Variants in ARHGAP12 observed in about 807,000 individuals in gnomAD.
The protein encoded by ARHGAP12 is Rho GTPase activating protein 12, also known as rho GTPase-activating protein 12.
Under a neutral mutation model 108.6 loss-of-function variants are expected in ARHGAP12, and 64 were observed. That is an observed-to-expected ratio of 0.59 (90% CI 0.48 to 0.73). The LOEUF is 0.73. Ranked by LOEUF, ARHGAP12 falls within the 30% of genes least tolerant of loss-of-function variation. ARHGAP12 has a pLI of 0.00. For missense variants in ARHGAP12, 940 were observed against 1,005.9 expected (o/e 0.93, Z 0.89); for synonymous variants, 312 against 337.2 (o/e 0.93, Z 0.82).
chr10:31,861,384 A>C lies in ARHGAP12; in HGVS notation c.948+11T>G. On this transcript the variant is annotated intron_variant, in intron 4 of 19. Transcript: ENST00000344936. Reference sequence around the variant, plus strand: ...CTGGTAACTTGCAGTTGATTCCTTAATTACTCATACCTCTTGATCCCCTGG... The same window carrying C: ...CTGGTAACTTGCAGTTGATTCCTTACTTACTCATACCTCTTGATCCCCTGG... 6.3e-7 allele frequency: 1 copy of C among 1,587,558 alleles called. No homozygotes were observed. Among genetic ancestry groups the C allele is most frequent in the East Asian group, 2.2e-5 (1 of 44,720 alleles).
chr10:31,880,897 C>CAAA (rs139344366), intron 3 of ARHGAP12, among the ~76,000 whole-genome samples: 1 of 133,938 alleles, frequency 7.5e-6, no homozygotes. Context: ...TTGACTCTAC[C>CAAA]AAAAAAAAAA....
At chr10:31,868,790 AG>A (rs1184252376) in intron 3 of ARHGAP12, among the ~76,000 whole-genome samples, 1 of 151,724 alleles carries the variant, frequency 6.6e-6, no homozygotes, top group African/African-American at 2.4e-5. Flanking sequence ...TTAGCCAGGC[AG>A]GGTGGCACAT....
intron 3 of ARHGAP12, among the ~76,000 whole-genome samples, chr10:31,873,584 G>T (rs1837617701): frequency 6.6e-6 from 1 of 152,158 alleles, no homozygotes; most frequent in Non-Finnish European, 1.5e-5. Flanking sequence ...TAAGTTGTAA[G>T]CCCCTTAGGA....
chr10:31,843,460 C>T lies in ARHGAP12; in HGVS notation c.1296+1G>A. 2.5e-6 allele frequency: 4 copies of T among 1,610,458 alleles called. No individual in the cohort carries two copies. Among genetic ancestry groups the T allele is most frequent in the Non-Finnish European group, 1.7e-6 (2 of 1,178,936 alleles). On this transcript the variant is annotated splice_donor_variant, in intron 7 of 19. Transcript: ENST00000344936. LOFTEE classifies it high-confidence loss of function. The stretch of plus-strand genomic sequence containing the variant: ...CTTGCCAAAAATCTCAACAGTCCTA[C>T]CTTATCATTAGTGTCCAATACAATG...
At chr10:31,870,020 A>G (rs1296680379) in intron 3 of ARHGAP12, among the ~76,000 whole-genome samples, 1 of 152,180 alleles carries the variant, frequency 6.6e-6, no homozygotes, top group Non-Finnish European at 1.5e-5. Context: ...ATTGCTGAAT[A>G]GTATAAATCC....
intron 3 of ARHGAP12, among the ~76,000 whole-genome samples, chr10:31,898,656 C>A (rs768712477): frequency 6.6e-6 from 1 of 152,150 alleles, no homozygotes; most frequent in Non-Finnish European, 1.5e-5. Flanking sequence ...TTTTGCTGTA[C>A]CTTTTCTATG....
intron 1 of ARHGAP12, among the ~76,000 whole-genome samples, chr10:31,927,228 C>CAATTTTAAAACAAAG (rs1840085601): frequency 5.3e-5 from 2 of 37,440 alleles, no homozygotes; most frequent in African/African-American, 2.0e-4. Context: ...GTTTCCAAGG[C>CAATTTTAAAACAAAG]AAAATAAAAA....
intron 3 of ARHGAP12, among the ~76,000 whole-genome samples, chr10:31,898,710 G>A (rs150588733): frequency 9.2e-5 from 14 of 152,266 alleles, no homozygotes; most frequent in African/African-American, 3.4e-4. Flanking sequence ...ACTGCCTACA[G>A]TATTCAGGAC....
In ARHGAP12 at chr10:31,854,003, G is replaced by A; in HGVS notation, c.1089+63C>T. 7 of 1,515,630 alleles carry A rather than the reference G, an allele frequency of 4.6e-6. No individual in the cohort carries two copies. In the South Asian group the frequency reaches 7.7e-5, roughly 17 times the overall value. 93.9% of individuals were successfully genotyped at this position (1,515,630 alleles called of 1,614,324 possible). ...TTCTTTTTTAAATACTAAAACTGCA[G>A]TACACAACTATTTTATGAGAGAATT... On this transcript the variant is annotated intron_variant, in intron 5 of 19. Transcript: ENST00000344936.
chr10:31,906,856 T>C (rs1326410189), intron 3 of ARHGAP12, among the ~76,000 whole-genome samples: 15 of 152,164 alleles, frequency 9.9e-5, no homozygotes, highest in Admixed American at 9.8e-4. Context: ...GTGTCTTTCC[T>C]AAGGCCCATT....
chr10:31,877,525 A>G (rs1302196492), intron 3 of ARHGAP12, among the ~76,000 whole-genome samples: 8 of 152,204 alleles, frequency 5.3e-5, no homozygotes, highest in African/African-American at 1.9e-4. Flanking sequence ...CTAGTAAGCT[A>G]TTGTACCTGA....
chr10:31,823,901 T>C (rs763213910), intron 11 of ARHGAP12, among the ~76,000 whole-genome samples: 6 of 152,198 alleles, frequency 3.9e-5, no homozygotes, highest in Admixed American at 1.3e-4. Context: ...TTCTGCTGTA[T>C]AAAGAGAATA....
At chr10:31,892,552 A>C (rs1460903002) in intron 3 of ARHGAP12, among the ~76,000 whole-genome samples, 6 of 152,246 alleles carry the variant, frequency 3.9e-5, no homozygotes, top group Non-Finnish European at 5.9e-5. Context: ...AGAAGAGCTA[A>C]CTATCCTAAA....
Position 31,894,237 on chromosome 10 carries a change from G to C in ARHGAP12, c.684+13935C>G, listed in dbSNP as rs1838580314. ...ACTCCTATTCAACATAGTGTTGGAA[G>C]TTCTAGCCAGGGCAATCAGGCAGGA... On this transcript the variant is annotated intron_variant, in intron 3 of 19. Coordinates refer to ENST00000344936, the MANE Select transcript of ARHGAP12 (RefSeq NM_018287.7). Among the ~76,000 whole-genome samples, 4 of 152,202 alleles carry C rather than the reference G, an allele frequency of 2.6e-5. No individual in the cohort carries two copies. In the South Asian group the frequency reaches 8.3e-4, roughly 31 times the overall value.
At chr10:31,829,422 C>G (rs938074709) in intron 10 of ARHGAP12, among the ~76,000 whole-genome samples, 1 of 151,998 alleles carries the variant, frequency 6.6e-6, no homozygotes, top group African/African-American at 2.4e-5. Flanking sequence ...TGTGAATATA[C>G]TTAACACCAC....
chr10:31,807,733 T>G lies in ARHGAP12; in HGVS notation c.2466A>C (p.Ile822=), dbSNP rs974173371. The change falls in exon 20 of 20, where the codon ATA becomes ATC. Residue 822 remains isoleucine (I), a synonymous_variant. Transcript: ENST00000344936. ...LLKPEKETGN[I]AVHTVYQNQI... is the part of the protein sequence containing the mutation. ...GATTCTGGTACACAGTATGAACTGC[T>G]ATATTACCAGTCTCTTTTTCTGGTT... 6.2e-7 allele frequency: 1 copy of G among 1,609,444 alleles called. No individual in the cohort carries two copies. The highest frequency in any genetic ancestry group is 8.5e-7 in the Non-Finnish European group (1 of 1,178,194).
chr10:31,885,306 A>G (rs1838151655), intron 3 of ARHGAP12, among the ~76,000 whole-genome samples: 1 of 152,210 alleles, frequency 6.6e-6, no homozygotes, highest in Non-Finnish European at 1.5e-5. Context: ...ATGTAAAAAT[A>G]AAGTATCTCT....
At position 31,844,817 on chromosome 10, in the gene ARHGAP12, A is replaced by G. The variant is rs543323821; in HGVS notation, c.1171-1231T>C. On this transcript the variant is annotated intron_variant, in intron 6 of 19. Transcript: ENST00000344936. ...ACTTAATTACCATAGCAGGAACTCTATCTCTCCTGTTCCCTACCCACCAAC... is the reference window on the plus strand; with the variant it reads ...ACTTAATTACCATAGCAGGAACTCTGTCTCTCCTGTTCCCTACCCACCAAC... Among the ~76,000 whole-genome samples, 5 of 150,986 alleles carry G rather than the reference A, an allele frequency of 3.3e-5. No individual in the cohort carries two copies. In the South Asian group the frequency reaches 1.0e-3, roughly 32 times the overall value.
chr10:31,857,102 ATAT>A (rs1046879539), intron 4 of ARHGAP12, among the ~76,000 whole-genome samples: 2 of 152,184 alleles, frequency 1.3e-5, no homozygotes, highest in African/African-American at 2.4e-5. Flanking sequence ...ATCATTCAAA[ATAT>A]TATCTGATTC....
Sources: allele counts gnomAD v4.1 joint callset (sites outside exome capture counted in the v4.1 genomes callset), GRCh38; gene constraint gnomAD v4.1.1; transcripts MANE v1.5; gene names NCBI Gene and HGNC (gene_info 2026-07-23, HGNC 2026-07-21).